The following SZT2 variants were observed in gnomAD, a reference collection of about 807,000 sequenced individuals.
SZT2 encodes KICSTOR complex protein SZT2.
SZT2 carries 216 observed loss-of-function variants against 404.2 expected under a neutral mutation model. The observed-to-expected ratio is 0.53, with a 90% CI of 0.48 to 0.60. The LOEUF (loss-of-function observed/expected upper bound fraction) is 0.60. Among genes scored for constraint, SZT2 ranks in the 20% least tolerant of loss-of-function variants. The pLI is 0.00. For synonymous variants in SZT2, 1,693 were observed against 1,749.9 expected (o/e 0.97, Z 0.81); for missense variants, 3,857 against 4,459.2 (o/e 0.86, Z 3.85).
Position 43,433,341 on chromosome 1 carries a change from G to T in SZT2, c.5804+151G>T, listed in dbSNP as rs117726389. The T allele has an allele frequency of 5.2e-6, 4 of 765,458 alleles. No homozygotes were observed. The South Asian group carries it at 5.4e-5, about 10-fold the overall frequency. The allele number at this position is 765,458 out of a possible 1,614,324, so 47.4% of individuals were successfully genotyped here. A position where few individuals can be genotyped will look rare whatever the true frequency, so the allele number is the denominator to read the frequency against. On this transcript the variant is annotated intron_variant, in intron 40 of 71. Transcript: ENST00000634258. ...TTGTATTCTTAGGTTGGTGGTTCCC[G>T]ATCACTTCCCACATCTTACAGCTAA...
At position 43,439,557 on chromosome 1, in the gene SZT2, G is replaced by A. The variant is rs768877031; in HGVS notation, c.6878-48G>A. The A allele has an allele frequency of 2.5e-6, 4 of 1,611,094 alleles. No homozygotes were observed. The highest frequency in any genetic ancestry group is 3.4e-5 in the Admixed American group (2 of 59,652). On this transcript the variant is annotated intron_variant, in intron 49 of 71. Transcript: ENST00000634258. The surrounding 1 kb of genome is among the most constrained non-coding windows in gnomAD (Gnocchi z 4.2). ...AGCTGAGTGGAGGGTCGTGGGAGGG[G>A]TGGTCTGCAAGTCCCAGAGCTGAGC...
chr1:43,440,617 A>G (rs1273145791), intron 52 of SZT2, 31 bp downstream of exon 52: 20 of 1,534,360 alleles, frequency 1.3e-5, no homozygotes, highest in Admixed American at 2.1e-5. Flanking sequence ...GTGGGCATCT[A>G]CCTTTCTGCC....
At chr1:43,405,720 T>C (rs1650224570) in intron 4 of SZT2, 2 of 152,308 alleles carry the variant, frequency 1.3e-5, no homozygotes, top group African/African-American at 4.8e-5. Context: ...GTATAGCCGT[T>C]AGGACTATCA....
At position 43,450,160 on chromosome 1, in the gene SZT2, T is replaced by C; in HGVS notation, c.10144T>C (p.Leu3382=). The C allele has an allele frequency of 6.2e-7, 1 of 1,614,128 alleles. No individual in the cohort carries two copies. Among genetic ancestry groups the C allele is most frequent in the Non-Finnish European group, 8.5e-7 (1 of 1,179,992 alleles). The change falls in exon 71 of 72, where the codon TTA becomes CTA. Residue 3382 remains leucine, a synonymous_variant. Coordinates refer to ENST00000634258, the MANE Select transcript of SZT2 (RefSeq NM_001365999.1). This position sits in a 1 kb window ranked among gnomAD's most constrained non-coding sequence, Gnocchi z 4.3. ...CFVLVFLDSH[L]GKTSLTVVFR... ...TGTGCTAGTGTTTCTGGACTCCCAC[T>C]TAGGAAAGACGGTAAGAACGAGTGG...
chr1:43,427,242 C>A, intron 24 of SZT2, 39 bp from the exon 25 acceptor site: 1 of 1,604,244 alleles, frequency 6.2e-7, no homozygotes, highest in Non-Finnish European at 8.5e-7. Context: ...CCCTCACTGG[C>A]CCACCAGGCA....
chr1:43,435,144 A>G lies in SZT2; in HGVS notation c.5905-56A>G. The G allele has an allele frequency of 1.9e-6, 3 of 1,597,242 alleles. No homozygotes were observed. The South Asian group carries it at 3.4e-5, about 18-fold the overall frequency. On this transcript the variant is annotated intron_variant, in intron 41 of 71. Coordinates refer to ENST00000634258, the MANE Select transcript of SZT2 (RefSeq NM_001365999.1). ...TGGCATTTGATCACCCCTGACCACC[A>G]CCACCCACTTAGGAGGAGGTATTTC...
In SZT2 at chr1:43,424,850, G is replaced by A. The variant is rs748510271; in HGVS notation, c.2538G>A (p.Glu846=). 14 of 1,614,030 alleles carry A rather than the reference G, an allele frequency of 8.7e-6. No individual in the cohort carries two copies. The highest frequency in any genetic ancestry group is 1.2e-5 in the Non-Finnish European group (14 of 1,179,926). The stretch of plus-strand genomic sequence containing the variant: ...AAGGAATCATCAACATGGTTCTGGA[G>A]CTTCCAATTCAGGTACGTGCCATCC... ...SGEGIINMVL[E]LPIQNEPPGQ... is the part of the protein sequence containing the mutation. The change falls in exon 17 of 72, where the codon GAG becomes GAA. Residue 846 remains glutamate (E), a synonymous_variant. Transcript: ENST00000634258. The surrounding 1 kb of genome is among the most constrained non-coding windows in gnomAD (Gnocchi z 4.1).
intron 39 of SZT2, 83 bp downstream of exon 39, chr1:43,432,882 A>G (rs1349633175): frequency 8.2e-6 from 13 of 1,593,214 alleles, no homozygotes; most frequent in African/African-American, 1.3e-5. Flanking sequence ...TGGACAGGAG[A>G]CATCAGAAGG....
chr1:43,427,029 G>A (rs1270542562), intron 23 of SZT2, 27 bp from the exon 24 acceptor site: 1 of 1,613,564 alleles, frequency 6.2e-7, no homozygotes, highest in Non-Finnish European at 8.5e-7. Flanking sequence ...CTTATAGATT[G>A]CTCTAATTTC....
chr1:43,389,920 A>T lies in SZT2; in HGVS notation c.-49A>T, dbSNP rs1472979588. ...TGCCGAGGTAGCGAGGTCAGGGGTC[A>T]AGAGTGGAACACCCTCACTGGCCCG... On this transcript the variant is annotated 5_prime_UTR_variant, in exon 1 of 72. Coordinates refer to ENST00000634258, the MANE Select transcript of SZT2 (RefSeq NM_001365999.1). The T allele has an allele frequency of 6.5e-7, 1 of 1,532,734 alleles. No homozygotes were observed. The highest frequency in any genetic ancestry group is 8.8e-7 in the Non-Finnish European group (1 of 1,140,836). 94.9% of individuals were successfully genotyped at this position (1,532,734 alleles called of 1,614,324 possible).
intron 4 of SZT2, among the ~76,000 whole-genome samples, chr1:43,409,198 G>T (rs1650710427): frequency 6.6e-6 from 1 of 152,198 alleles, no homozygotes. Flanking sequence ...AGACACAGAT[G>T]TAAACCTTCA....
chr1:43,422,238 A>C lies in SZT2; in HGVS notation c.1769+13A>C. On this transcript the variant is annotated intron_variant, in intron 12 of 71. Coordinates refer to ENST00000634258, the MANE Select transcript of SZT2 (RefSeq NM_001365999.1). ...TGGAGCATGACACGTGGGTGCCCTT[A>C]GGGCTGGGCCATAGTTGGGGTGGAG... 2 of 1,568,558 alleles carry C rather than the reference A, an allele frequency of 1.3e-6. No homozygotes were observed. Among genetic ancestry groups the C allele is most frequent in the South Asian group, 2.3e-5 (2 of 88,870 alleles).
At chr1:43,440,091 G>A in intron 51 of SZT2, 43 bp downstream of exon 51, 1 of 1,612,090 alleles carries the variant, frequency 6.2e-7, no homozygotes, top group Non-Finnish European at 8.5e-7. Context: ...GAATGTCACA[G>A]ATCCAAGCAG....
At position 43,420,135 on chromosome 1, in the gene SZT2, T is replaced by C; in HGVS notation, c.1091-18T>C. On this transcript the variant is annotated intron_variant, in intron 8 of 71. Transcript: ENST00000634258. This position sits in a 1 kb window ranked among gnomAD's most constrained non-coding sequence, Gnocchi z 5.1. ...CAGATAACCAGTTTCTCCTTCCCCA[T>C]CTCCACTGGTCTTCCAGGCTCTCAG... 6.3e-7 allele frequency: 1 copy of C among 1,597,282 alleles called. No individual in the cohort carries two copies. The highest frequency in any genetic ancestry group is 8.5e-7 in the Non-Finnish European group (1 of 1,179,024).
chr1:43,422,130 T>C lies in SZT2; in HGVS notation c.1674T>C (p.Phe558=). 1 of 1,598,054 alleles carries C rather than the reference T, an allele frequency of 6.3e-7. No homozygotes were observed. Among genetic ancestry groups the C allele is most frequent in the Non-Finnish European group, 8.5e-7 (1 of 1,179,520 alleles). The change falls in exon 12 of 72, where the codon TTT becomes TTC. Residue 558 remains phenylalanine (F), a synonymous_variant. Transcript: ENST00000634258. ...GTTCTGACTCATCCCATGCCCAGTTTGCTGCCTACTGGAAGCCAGTGCTGT... is the reference window on the plus strand; with the variant it reads ...GTTCTGACTCATCCCATGCCCAGTTCGCTGCCTACTGGAAGCCAGTGCTGT... ...PSGSDSSHAQ[F]AAYWKPVLSM...
rs2153935968 is a variant in SZT2 at position 43,442,695 on chromosome 1, G to C, written c.8151+77G>C. On this transcript the variant is annotated intron_variant, in intron 58 of 71. Coordinates refer to ENST00000634258, the MANE Select transcript of SZT2 (RefSeq NM_001365999.1). The surrounding 1 kb of genome is among the most constrained non-coding windows in gnomAD (Gnocchi z 4.5). ...AAAGGAAAAACCAGCTCAGAAGCCAGAAAGATGGGACAGACTGAGGGCAGA... is the reference window on the plus strand; with the variant it reads ...AAAGGAAAAACCAGCTCAGAAGCCACAAAGATGGGACAGACTGAGGGCAGA... The C allele has an allele frequency of 6.5e-7, 1 of 1,535,812 alleles. No homozygotes were observed. Among genetic ancestry groups the C allele is most frequent in the Middle Eastern group, 1.8e-4 (1 of 5,704 alleles).
chr1:43,443,695 G>C lies in SZT2; in HGVS notation c.8724G>C (p.Trp2908Cys). The C allele has an allele frequency of 6.2e-7, 1 of 1,614,232 alleles. No individual in the cohort carries two copies. The highest frequency in any genetic ancestry group is 8.5e-7 in the Non-Finnish European group (1 of 1,180,042). ...CCCCGGGAGCCCGTGAGGAGCCTTG[G>C]CTGAAGGAGCTGAGCTTGGCTTTCC... ...VSPPGAREEP[W>C]LKELSLAFLQ... The change falls in exon 62 of 72, where the codon TGG (tryptophan) becomes TGC (cysteine). Residue 2908 changes from tryptophan (W) to cysteine (C), a missense_variant. Transcript: ENST00000634258.
At position 43,437,691 on chromosome 1, in the gene SZT2, G is replaced by A. The variant is rs1429113401; in HGVS notation, c.6387G>A (p.Glu2129=). The A allele has an allele frequency of 6.2e-7, 1 of 1,614,106 alleles. No individual in the cohort carries two copies. The highest frequency in any genetic ancestry group is 8.5e-7 in the Non-Finnish European group (1 of 1,180,004). ...GAAGCCAAGAGCCCATCTACTCTGAGGAAGCCTCGGCATGTATCACTCCCA... is the reference window on the plus strand; with the variant it reads ...GAAGCCAAGAGCCCATCTACTCTGAAGAAGCCTCGGCATGTATCACTCCCA... ...LSRSQEPIYS[E]EASGPRSPLD... The change falls in exon 45 of 72, where the codon GAG becomes GAA. Residue 2129 remains glutamate (E), a synonymous_variant. Transcript: ENST00000634258. The surrounding 1 kb of genome is among the most constrained non-coding windows in gnomAD (Gnocchi z 5.3).
rs1347175933 is a variant in SZT2, at chr1:43,452,265, C to G, written c.*1785C>G. ...CCAGAAAAACGGCCTCCATCTCAGC[C>G]TTGACTGCTATTCGATCAGCTCCCT... On this transcript the variant is annotated 3_prime_UTR_variant, in exon 72 of 72. Coordinates refer to ENST00000634258, the MANE Select transcript of SZT2 (RefSeq NM_001365999.1). The G allele has an allele frequency of 6.2e-7, 1 of 1,614,126 alleles. No homozygotes were observed. Among genetic ancestry groups the G allele is most frequent in the South Asian group, 1.1e-5 (1 of 91,066 alleles).
Sources: allele counts gnomAD v4.1 joint callset (sites outside exome capture counted in the v4.1 genomes callset), GRCh38; gene constraint gnomAD v4.1.1; non-coding constraint Gnocchi (gnomAD v3.1); transcripts MANE v1.5; gene names NCBI Gene and HGNC (gene_info 2026-07-23, HGNC 2026-07-21).